The following SNX29 variants were observed in gnomAD, a reference collection of about 807,000 sequenced individuals.
The protein encoded by SNX29 is sorting nexin 29, also known as sorting nexin-29.
Under a neutral mutation model 102.1 loss-of-function variants are expected in SNX29, and 78 were observed. The ratio of observed to expected loss-of-function variants is 0.76; its 90% CI spans 0.64 to 0.92. SNX29 has a LOEUF of 0.92. Ranked by LOEUF, SNX29 falls within the 40% of genes least tolerant of loss-of-function variation. The pLI, the probability that SNX29 is intolerant of heterozygous loss-of-function variation, is 0.00. For missense variants in SNX29, 1,280 were observed against 1,061.7 expected (o/e 1.21, Z -2.86); for synonymous variants, 580 against 414.5 (o/e 1.40, Z -4.85).
intron 15 of SNX29, among the ~76,000 whole-genome samples, chr16:12,306,694 C>T (rs1274821003): frequency 6.6e-6 from 1 of 152,198 alleles, no homozygotes; most frequent in Non-Finnish European, 1.5e-5. Flanking sequence ...CCTGCTGCAG[C>T]GGCATGGTCT....
chr16:12,372,030 T>C (rs1393587238), intron 16 of SNX29, among the ~76,000 whole-genome samples: 1 of 152,232 alleles, frequency 6.6e-6, no homozygotes, highest in Non-Finnish European at 1.5e-5. Context: ...AATGCACAAC[T>C]ATCTAGAGTA....
chr16:12,031,233 G>A (rs979196588), intron 4 of SNX29, among the ~76,000 whole-genome samples: 1 of 151,838 alleles, frequency 6.6e-6, no homozygotes, highest in Non-Finnish European at 1.5e-5. Flanking sequence ...CCACCACGCT[G>A]CCTAATTTTT....
At chr16:12,120,847 C>T (rs1470904012) in intron 11 of SNX29, among the ~76,000 whole-genome samples, 3 of 152,126 alleles carry the variant, frequency 2.0e-5, no homozygotes, top group African/African-American at 4.8e-5. Context: ...CCATGCCTGT[C>T]GCATTCCCGA....
chr16:12,281,352 C>T (rs534798860), intron 15 of SNX29, among the ~76,000 whole-genome samples: 3 of 152,192 alleles, frequency 2.0e-5, no homozygotes, highest in East Asian at 1.9e-4. Context: ...TGCACATACA[C>T]ACTACACATT....
chr16:12,203,598 G>T (rs999355022), intron 14 of SNX29, among the ~76,000 whole-genome samples: 2 of 152,344 alleles, frequency 1.3e-5, no homozygotes, highest in Non-Finnish European at 2.9e-5. Context: ...CAGGTGGACT[G>T]GTGGTATCAT....
intron 18 of SNX29, among the ~76,000 whole-genome samples, chr16:12,410,208 G>T (rs191805593): frequency 6.6e-6 from 1 of 152,172 alleles, no homozygotes; most frequent in Admixed American, 6.5e-5. Context: ...GTTAGCCAGG[G>T]TGGTCTTGAT....
At chr16:12,273,809 G>A (rs1414994835) in intron 14 of SNX29, among the ~76,000 whole-genome samples, 2 of 152,168 alleles carry the variant, frequency 1.3e-5, no homozygotes, top group African/African-American at 4.8e-5. Context: ...ACCTTCTCTG[G>A]ACATTTCGTG....
chr16:12,273,885 C>T (rs939240634), intron 14 of SNX29, among the ~76,000 whole-genome samples: 7 of 152,208 alleles, frequency 4.6e-5, no homozygotes, highest in Non-Finnish European at 1.0e-4. Context: ...AATGCTCTCA[C>T]GGTCTATCTG....
chr16:12,380,749 A>AC (rs2083074360), intron 16 of SNX29, among the ~76,000 whole-genome samples: 1 of 70,584 alleles, frequency 1.4e-5, no homozygotes, highest in Non-Finnish European at 3.2e-5. Flanking sequence ...CCATCCACCC[A>AC]CCATCCATCC....
At chr16:12,506,236 C>T (rs1016312858) in intron 19 of SNX29, among the ~76,000 whole-genome samples, 3 of 152,188 alleles carry the variant, frequency 2.0e-5, no homozygotes, top group Non-Finnish European at 4.4e-5. Context: ...GCTGGGATTA[C>T]AGGCGTGAGC....
intron 20 of SNX29, among the ~76,000 whole-genome samples, chr16:12,562,858 CCGG>C (rs1352982038): frequency 6.6e-6 from 1 of 152,126 alleles, no homozygotes; most frequent in Admixed American, 6.6e-5. Flanking sequence ...CCGACAGCTC[CCGG>C]TCTGTGCTTT....
At chr16:12,334,943 T>G (rs77890594) in intron 15 of SNX29, among the ~76,000 whole-genome samples, 1,622 of 141,166 alleles carry the variant, frequency 0.011, 39 homozygotes, top group African/African-American at 0.041. Flanking sequence ...GTCTTTCAAA[T>G]TTGATGTCAT....
intron 20 of SNX29, among the ~76,000 whole-genome samples, chr16:12,556,971 C>T (rs1310106693): frequency 6.8e-6 from 1 of 147,234 alleles, no homozygotes; most frequent in Non-Finnish European, 1.5e-5. Context: ...ACTTCTGCCT[C>T]ATGAGTAGCT....
chr16:12,414,352 T>A (rs565524111), intron 18 of SNX29, among the ~76,000 whole-genome samples: 53 of 152,232 alleles, frequency 3.5e-4, no homozygotes, highest in African/African-American at 1.2e-3. Context: ...CCAGCCTGGG[T>A]GACAGCAAGA....
intron 7 of SNX29, among the ~76,000 whole-genome samples, chr16:12,050,748 G>C (rs1300965932): frequency 1.3e-5 from 2 of 151,838 alleles, no homozygotes; most frequent in Non-Finnish European, 2.9e-5. Flanking sequence ...GTCTCGCTCT[G>C]TCACCCAGAC....
At chr16:12,492,203 CTTT>C in intron 19 of SNX29, among the ~76,000 whole-genome samples, 1 of 152,296 alleles carries the variant, frequency 6.6e-6, no homozygotes, top group Non-Finnish European at 1.5e-5. Flanking sequence ...TGTTTCCTGA[CTTT>C]TTAATGATCG....
chr16:12,363,594 C>G (rs961465549), intron 16 of SNX29, among the ~76,000 whole-genome samples: 1 of 152,212 alleles, frequency 6.6e-6, no homozygotes, highest in Admixed American at 6.5e-5. Context: ...ACTCCGATCC[C>G]CTGTGCCTAG....
intron 20 of SNX29, among the ~76,000 whole-genome samples, chr16:12,563,124 G>A (rs927760678): frequency 1.3e-5 from 2 of 152,130 alleles, no homozygotes; most frequent in African/African-American, 2.4e-5. Flanking sequence ...GCCTAGGAAA[G>A]GTCGCCACAC....
At chr16:12,355,967 G>C (rs1036321515) in intron 15 of SNX29, among the ~76,000 whole-genome samples, 196 bp from the exon 16 acceptor site, 2 of 151,668 alleles carry the variant, frequency 1.3e-5, no homozygotes, top group African/African-American at 4.8e-5. Context: ...TGAAGTGTCG[G>C]TATGAAGCAG....
Sources: gnomAD v4.1 joint callset for allele counts (sites outside exome capture counted in the v4.1 genomes callset) on GRCh38, gnomAD v4.1.1 for gene constraint, MANE v1.5 for transcripts, NCBI Gene and HGNC (gene_info 2026-07-23, HGNC 2026-07-21) for gene names.